The following DHRSX variants were observed in gnomAD, a reference collection of about 807,000 sequenced individuals.
DHRSX encodes the protein dehydrogenase/reductase X-linked.
In DHRSX, 31 loss-of-function variants were observed where a neutral mutation model predicts 34.0. The observed-to-expected ratio is 0.91, with a 90% confidence interval of 0.69 to 1.23. DHRSX has a LOEUF of 1.23. Ranked by LOEUF, DHRSX falls within the 50% of genes most tolerant of loss-of-function variation. DHRSX has a pLI of 0.00. For missense variants in DHRSX, 414 were observed against 428.1 expected, an observed-to-expected ratio of 0.97 and a Z score of 0.29; for synonymous variants, 201 against 183.8, an observed-to-expected ratio of 1.09 and a Z score of -0.76.
At chrX:2,409,305 G>A (rs2043597118) in intron 2 of DHRSX, among the ~76,000 whole-genome samples, 1 of 152,038 alleles carries the variant, frequency 6.6e-6, no homozygotes. Flanking sequence ...TTTAAGTTCT[G>A]GGGCACATGT....
chrX:2,438,456 A>G (rs2044023065), intron 1 of DHRSX, among the ~76,000 whole-genome samples: 1 of 152,108 alleles, frequency 6.6e-6, no homozygotes, highest in African/African-American at 2.4e-5. Context: ...TGATCACCTG[A>G]GGTCAGAAGT....
chrX:2,486,724 T>C (rs1391180417), intron 1 of DHRSX: 1 of 152,266 alleles, frequency 6.6e-6, no homozygotes, highest in Non-Finnish European at 1.5e-5. Flanking sequence ...CAGCTGCCCT[T>C]CTGCCGAGAA....
intron 1 of DHRSX, among the ~76,000 whole-genome samples, chrX:2,484,810 C>T (rs893180867): frequency 2.6e-5 from 4 of 152,048 alleles, no homozygotes; most frequent in South Asian, 2.1e-4. Flanking sequence ...GGAAGATGGT[C>T]GGAACAAAAG....
chrX:2,480,499 T>G (rs7052165), intron 1 of DHRSX, among the ~76,000 whole-genome samples: 30,448 of 135,650 alleles, frequency 0.22, 3,420 homozygotes, highest in African/African-American at 0.29. Context: ...CTGGGCAACA[T>G]AATGAAACCG....
At chrX:2,296,359 G>C (rs956918497) in intron 3 of DHRSX, among the ~76,000 whole-genome samples, 1 of 151,934 alleles carries the variant, frequency 6.6e-6, no homozygotes, top group Non-Finnish European at 1.5e-5. Context: ...GGGAAGGAGA[G>C]GGAAAAAGAG....
intron 3 of DHRSX, among the ~76,000 whole-genome samples, chrX:2,349,101 C>CA (rs1395516547): frequency 1.3e-5 from 2 of 151,824 alleles, no homozygotes; most frequent in African/African-American, 2.4e-5. Flanking sequence ...GGACGTTCCT[C>CA]AAAAAAATTA....
At chrX:2,345,993 C>G (rs961208668) in intron 3 of DHRSX, among the ~76,000 whole-genome samples, 1 of 152,184 alleles carries the variant, frequency 6.6e-6, no homozygotes, top group African/African-American at 2.4e-5. Flanking sequence ...CTCAGACACA[C>G]AGTTCCCTGG....
At chrX:2,461,916 G>A (rs2044407358) in intron 1 of DHRSX, among the ~76,000 whole-genome samples, 1 of 151,950 alleles carries the variant, frequency 6.6e-6, no homozygotes, top group Admixed American at 6.6e-5. Flanking sequence ...TCAAACTCCT[G>A]GGCTCAAGCG....
chrX:2,480,627 G>C (rs35698584), intron 1 of DHRSX, among the ~76,000 whole-genome samples: 4 of 151,738 alleles, frequency 2.6e-5, no homozygotes, highest in Non-Finnish European at 5.9e-5. Context: ...AGACCAGCCT[G>C]AGCAACATAG....
At chrX:2,438,527 C>T (rs1409432866) in intron 1 of DHRSX, among the ~76,000 whole-genome samples, 5 of 151,786 alleles carry the variant, frequency 3.3e-5, no homozygotes, top group East Asian at 2.0e-4. Flanking sequence ...AAAAATTAGC[C>T]GGGCGAGATG....
chrX:2,306,456 C>G (rs2042097590), intron 3 of DHRSX, among the ~76,000 whole-genome samples: 3 of 145,946 alleles, frequency 2.1e-5, no homozygotes, highest in Non-Finnish European at 3.0e-5. Flanking sequence ...AGATTGCGAT[C>G]AATTATCTTT....
intron 3 of DHRSX, among the ~76,000 whole-genome samples, chrX:2,403,744 T>C (rs5939311): frequency 6.6e-6 from 1 of 151,322 alleles, no homozygotes; most frequent in Non-Finnish European, 1.5e-5. Context: ...TGATCCCAGT[T>C]ACTCGGGAGG....
At chrX:2,363,573 A>G (rs1043519911) in intron 3 of DHRSX, among the ~76,000 whole-genome samples, 2 of 148,066 alleles carry the variant, frequency 1.4e-5, no homozygotes, top group African/African-American at 5.1e-5. Context: ...CTATGGTATC[A>G]TGCTGCCATT....
chrX:2,392,806 ATTAT>A (rs1446920836), intron 3 of DHRSX, among the ~76,000 whole-genome samples: 7 of 74,652 alleles, frequency 9.4e-5, no homozygotes, highest in East Asian at 3.0e-4. Context: ...TTTAATATAA[ATTAT>A]TTATAATGAC....
At chrX:2,469,661 C>T (rs1232530668) in intron 1 of DHRSX, among the ~76,000 whole-genome samples, 1 of 152,046 alleles carries the variant, frequency 6.6e-6, no homozygotes, top group African/African-American at 2.4e-5. Flanking sequence ...CCACCGTGTA[C>T]ACACGGAAGA....
intron 1 of DHRSX, among the ~76,000 whole-genome samples, chrX:2,481,099 A>G (rs2044763253): frequency 6.6e-6 from 1 of 152,198 alleles, no homozygotes; most frequent in Non-Finnish European, 1.5e-5. Flanking sequence ...AATTAGGTTA[A>G]TAATATGGTA....
At chrX:2,420,147 G>A (rs897294181) in intron 2 of DHRSX, among the ~76,000 whole-genome samples, 20 of 152,006 alleles carry the variant, frequency 1.3e-4, no homozygotes, top group African/African-American at 4.3e-4. Context: ...AGTGGCTCAC[G>A]CCTGTAATCC....
intron 3 of DHRSX, among the ~76,000 whole-genome samples, chrX:2,329,617 C>T (rs2042432261): frequency 6.6e-6 from 1 of 152,154 alleles, no homozygotes; most frequent in Admixed American, 6.5e-5. Flanking sequence ...GATGGTCCCT[C>T]ATGGCTACTG....
intron 2 of DHRSX, among the ~76,000 whole-genome samples, chrX:2,419,760 C>T (rs984287506): frequency 1.5e-5 from 2 of 133,608 alleles, no homozygotes; most frequent in African/African-American, 5.8e-5. Flanking sequence ...TAGGTGGGAA[C>T]TGAACAATGA....
Sources: allele counts gnomAD v4.1 joint callset (sites outside exome capture counted in the v4.1 genomes callset), GRCh38; gene constraint gnomAD v4.1.1; transcripts MANE v1.5; gene names NCBI Gene and HGNC (gene_info 2026-07-23, HGNC 2026-07-21).